RSRC1: variants seen among roughly 807,000 people sequenced by gnomAD.
RSRC1 encodes the protein serine/Arginine-related protein 53.
Under a neutral mutation model 49.1 loss-of-function variants are expected in RSRC1, and 39 were observed. That is an observed-to-expected ratio of 0.79 (90% CI 0.61 to 1.04). The LOEUF (loss-of-function observed/expected upper bound fraction) is 1.04. RSRC1 is among the 50% of genes least tolerant of loss of function. The pLI, the probability that RSRC1 is intolerant of heterozygous loss-of-function variation, is 0.00. For synonymous variants in RSRC1, 143 were observed against 130.8 expected (o/e 1.09, Z -0.63); for missense variants, 388 against 402.4 (o/e 0.96, Z 0.31).
At chr3:158,524,051 C>T (rs1711860905) in intron 7 of RSRC1, among the ~76,000 whole-genome samples, 1 of 152,034 alleles carries the variant, frequency 6.6e-6, no homozygotes, top group Non-Finnish European at 1.5e-5. Flanking sequence ...ACTGGCAAAG[C>T]CATGTTTCAC....
chr3:158,217,763 T>TGG (rs776331138), intron 4 of RSRC1, among the ~76,000 whole-genome samples: 3,137 of 115,772 alleles, frequency 0.027, 44 homozygotes, highest in Middle Eastern at 0.043. Context: ...TGTGTGTGTG[T>TGG]GTGGGGGGGG....
intron 7 of RSRC1, among the ~76,000 whole-genome samples, chr3:158,512,634 T>C (rs982591457): frequency 1.3e-5 from 2 of 151,404 alleles, no homozygotes; most frequent in Admixed American, 1.3e-4. Context: ...TAAAGTAGTT[T>C]TTTCCAATTC....
At chr3:158,433,366 A>G (rs1183727887) in intron 6 of RSRC1, among the ~76,000 whole-genome samples, 1 of 151,960 alleles carries the variant, frequency 6.6e-6, no homozygotes, top group African/African-American at 2.4e-5. Context: ...TATTTTTCCA[A>G]AGGTCTCCCC....
chr3:158,361,599 CA>C (rs1731477891), intron 6 of RSRC1, among the ~76,000 whole-genome samples: 1 of 152,202 alleles, frequency 6.6e-6, no homozygotes, highest in African/African-American at 2.4e-5. Context: ...CTCCTTTGCT[CA>C]AAATTACTCA....
chr3:158,514,953 TG>T (rs942947472), intron 7 of RSRC1, among the ~76,000 whole-genome samples: 6 of 152,086 alleles, frequency 3.9e-5, no homozygotes, highest in African/African-American at 1.4e-4. Flanking sequence ...TACCTTTTTT[TG>T]TTTTCCATTT....
chr3:158,423,580 G>C (rs1380938532), intron 6 of RSRC1, among the ~76,000 whole-genome samples: 1 of 152,136 alleles, frequency 6.6e-6, no homozygotes, highest in Non-Finnish European at 1.5e-5. Context: ...GGTTCCAAAT[G>C]AACTTTAAAG....
At chr3:158,115,230 T>C (rs1352008294) in intron 1 of RSRC1, among the ~76,000 whole-genome samples, 1 of 152,214 alleles carries the variant, frequency 6.6e-6, no homozygotes, top group Non-Finnish European at 1.5e-5. Flanking sequence ...ACCAGCCTTC[T>C]ATTATGGATA....
chr3:158,518,907 C>T (rs530469927), intron 7 of RSRC1, among the ~76,000 whole-genome samples: 5 of 152,212 alleles, frequency 3.3e-5, no homozygotes, highest in African/African-American at 1.2e-4. Flanking sequence ...TCTTTTCTAT[C>T]TCAGGTGAAT....
intron 3 of RSRC1, among the ~76,000 whole-genome samples, chr3:158,176,750 A>T (rs1042731361): frequency 5.3e-5 from 8 of 152,202 alleles, no homozygotes; most frequent in African/African-American, 1.9e-4. Context: ...AGACTTCATG[A>T]CTAAAACACC....
intron 8 of RSRC1, among the ~76,000 whole-genome samples, chr3:158,537,782 T>C (rs1712795472): frequency 6.6e-6 from 1 of 151,692 alleles, no homozygotes; most frequent in Non-Finnish European, 1.5e-5. Flanking sequence ...TATTCTTTAA[T>C]AACATTCATA....
At chr3:158,277,530 A>G (rs754219683) in intron 4 of RSRC1, among the ~76,000 whole-genome samples, 3 of 152,174 alleles carry the variant, frequency 2.0e-5, no homozygotes, top group Non-Finnish European at 4.4e-5. Context: ...TTTTCTTTAC[A>G]CTTGCATTAA....
intron 4 of RSRC1, among the ~76,000 whole-genome samples, chr3:158,295,313 G>A (rs1559981032): frequency 6.6e-6 from 1 of 152,136 alleles, no homozygotes; most frequent in South Asian, 2.1e-4. Context: ...GTAGTTTGTT[G>A]TGGCTGCTGT....
chr3:158,451,781 A>G (rs561255301), intron 6 of RSRC1, among the ~76,000 whole-genome samples: 27 of 152,214 alleles, frequency 1.8e-4, no homozygotes, highest in African/African-American at 6.5e-4. Context: ...TTAGAATTAC[A>G]TTAAATAGAA....
chr3:158,168,955 C>T (rs1330623652), intron 3 of RSRC1, among the ~76,000 whole-genome samples: 2 of 152,098 alleles, frequency 1.3e-5, no homozygotes, highest in African/African-American at 2.4e-5. Flanking sequence ...AAAAGTGAGT[C>T]GCCAGCCTTC....
intron 4 of RSRC1, among the ~76,000 whole-genome samples, chr3:158,289,774 T>C (rs1156983486): frequency 6.6e-6 from 1 of 152,192 alleles, no homozygotes; most frequent in Non-Finnish European, 1.5e-5. Flanking sequence ...TTTTAAAAAT[T>C]GAGTTAAAAT....
In RSRC1 at chr3:158,503,859, G is replaced by A. The variant is rs1175146709; in HGVS notation, c.653-33233G>A. Reference sequence around the variant, plus strand: ...TCCCCCACCTGTGGAGTCTGCACACGGGATTTGTGCCCTCCGCTGAGTTCT... The same window carrying A: ...TCCCCCACCTGTGGAGTCTGCACACAGGATTTGTGCCCTCCGCTGAGTTCT... On this transcript the variant is annotated intron_variant, in intron 7 of 9. Transcript: ENST00000611884. Among the ~76,000 whole-genome samples, 2 of 152,132 alleles carry A rather than the reference G, an allele frequency of 1.3e-5. 1 individual carries two copies. The highest frequency in any genetic ancestry group is 2.9e-5 in the Non-Finnish European group (2 of 68,028).
chr3:158,253,993 A>G (rs537142174), intron 4 of RSRC1, among the ~76,000 whole-genome samples: 1 of 151,932 alleles, frequency 6.6e-6, no homozygotes, highest in Admixed American at 6.5e-5. Context: ...TCAATTCCCA[A>G]CTGTAAGTGA....
intron 5 of RSRC1, among the ~76,000 whole-genome samples, chr3:158,317,524 C>T (rs1228178354): frequency 6.6e-6 from 1 of 151,932 alleles, no homozygotes; most frequent in Non-Finnish European, 1.5e-5. Context: ...GCCACTGTGC[C>T]TGGCCAGTAT....
intron 6 of RSRC1, among the ~76,000 whole-genome samples, chr3:158,380,603 A>G (rs2108280151): frequency 6.6e-6 from 1 of 152,214 alleles, no homozygotes. Flanking sequence ...CAGGTATTTT[A>G]TATTTTTATT....
Sources: allele counts gnomAD v4.1 joint callset (sites outside exome capture counted in the v4.1 genomes callset), GRCh38; gene constraint gnomAD v4.1.1; transcripts MANE v1.5; gene names NCBI Gene and HGNC (gene_info 2026-07-23, HGNC 2026-07-21).